ATRNL1: variants seen among roughly 807,000 people sequenced by gnomAD.
The protein encoded by ATRNL1 is attractin like 1.
In ATRNL1, 95 loss-of-function variants were observed where a neutral mutation model predicts 182.7. The observed-to-expected ratio is 0.52, with a 90% confidence interval of 0.44 to 0.62. The LOEUF (loss-of-function observed/expected upper bound fraction) is 0.62. ATRNL1 is among the 20% of genes least tolerant of loss of function. ATRNL1 has a pLI of 0.00. For synonymous variants in ATRNL1, 576 were observed against 568.3 expected (o/e 1.01, Z -0.19); for missense variants, 1,471 against 1,679.5 (o/e 0.88, Z 2.17).
At chr10:115,336,682 G>A (rs1855493752) in intron 19 of ATRNL1, among the ~76,000 whole-genome samples, 1 of 151,852 alleles carries the variant, frequency 6.6e-6, no homozygotes, top group African/African-American at 2.4e-5. Flanking sequence ...ATATTTTCAT[G>A]CCCATATGTA....
At chr10:115,360,835 T>C (rs1329776726) in intron 19 of ATRNL1, among the ~76,000 whole-genome samples, 2 of 151,940 alleles carry the variant, frequency 1.3e-5, no homozygotes, top group Non-Finnish European at 2.9e-5. Context: ...TTTTTAGGAC[T>C]ACACTATATT....
At chr10:115,362,544 A>G (rs1554944559) in intron 19 of ATRNL1, among the ~76,000 whole-genome samples, 1 of 151,198 alleles carries the variant, frequency 6.6e-6, no homozygotes, top group Non-Finnish European at 1.5e-5. Context: ...TTATACTTTA[A>G]GTTTTAGGGT....
chr10:115,265,250 T>G lies in ATRNL1; in HGVS notation c.1745T>G (p.Phe582Cys). The part of the protein sequence containing the change: ...KPNLHRDVNR[F>C]GHSAVVINGS... ...AATCTTCATAGAGATGTCAACAGAT[T>G]TGGACACTCTGCAGTAGTCATTAAC... The change falls in exon 11 of 29, where the codon TTT becomes TGT. Residue 582 changes from phenylalanine to cysteine, a missense_variant. Transcript: ENST00000355044. The G allele has an allele frequency of 6.2e-7, 1 of 1,608,236 alleles. No homozygotes were observed. Among genetic ancestry groups the G allele is most frequent in the Non-Finnish European group, 8.5e-7 (1 of 1,176,374 alleles).
chr10:115,612,327 TAAC>T (rs1555019275), intron 26 of ATRNL1, among the ~76,000 whole-genome samples: 4 of 152,034 alleles, frequency 2.6e-5, no homozygotes, highest in African/African-American at 9.6e-5. Flanking sequence ...CTCACCATAA[TAAC>T]CTGTTTTAGT....
At chr10:115,307,565 A>G (rs72836592) in intron 17 of ATRNL1, among the ~76,000 whole-genome samples, 2,288 of 152,244 alleles carry the variant, frequency 0.015, 36 homozygotes, top group Non-Finnish European at 0.024. Context: ...CCCGGCCTCC[A>G]CAGGTTTTTT....
At chr10:115,435,846 A>G (rs1440725258) in intron 21 of ATRNL1, among the ~76,000 whole-genome samples, 1 of 152,214 alleles carries the variant, frequency 6.6e-6, no homozygotes, top group African/African-American at 2.4e-5. Flanking sequence ...AAATTTTACT[A>G]GAATCAAATT....
intron 9 of ATRNL1, among the ~76,000 whole-genome samples, chr10:115,231,768 G>A (rs1849963367): frequency 6.6e-6 from 1 of 152,146 alleles, no homozygotes; most frequent in Non-Finnish European, 1.5e-5. Flanking sequence ...AGGTAAATAA[G>A]TAGAGGTGGA....
chr10:115,405,339 G>A (rs1032804925), intron 20 of ATRNL1, among the ~76,000 whole-genome samples: 20 of 152,156 alleles, frequency 1.3e-4, no homozygotes, highest in African/African-American at 4.8e-4. Context: ...GTTATAGGAT[G>A]AACTACTGCT....
At chr10:115,354,003 G>T (rs1392077851) in intron 19 of ATRNL1, among the ~76,000 whole-genome samples, 1 of 152,096 alleles carries the variant, frequency 6.6e-6, no homozygotes, top group African/African-American at 2.4e-5. Context: ...TGCTGAAAAT[G>T]TAAGTGATTT....
At chr10:115,634,701 T>C (rs1858748070) in intron 26 of ATRNL1, among the ~76,000 whole-genome samples, 1 of 152,146 alleles carries the variant, frequency 6.6e-6, no homozygotes, top group Non-Finnish European at 1.5e-5. Context: ...AATATTTATA[T>C]GATTTTTTAC....
chr10:115,345,402 C>T (rs782742381), intron 19 of ATRNL1, among the ~76,000 whole-genome samples: 15 of 152,178 alleles, frequency 9.9e-5, no homozygotes, highest in Admixed American at 7.2e-4. Flanking sequence ...AGTTCAGTCC[C>T]TCACGATTAT....
intron 21 of ATRNL1, among the ~76,000 whole-genome samples, chr10:115,436,900 T>A (rs1354087776): frequency 6.6e-6 from 1 of 152,122 alleles, no homozygotes; most frequent in Non-Finnish European, 1.5e-5. Flanking sequence ...ATTAAACCAG[T>A]TATATGATTT....
intron 27 of ATRNL1, among the ~76,000 whole-genome samples, chr10:115,812,575 C>G (rs1950071619): frequency 6.6e-6 from 1 of 152,252 alleles, no homozygotes; most frequent in South Asian, 2.1e-4. Flanking sequence ...CTCCTGGGTT[C>G]AAGCAATTCT....
chr10:115,590,965 C>A (rs1368859088), intron 26 of ATRNL1, among the ~76,000 whole-genome samples: 1 of 152,176 alleles, frequency 6.6e-6, no homozygotes, highest in Non-Finnish European at 1.5e-5. Flanking sequence ...GCAAATCCTT[C>A]TGTTTCAATG....
chr10:115,462,020 A>T lies in ATRNL1; in HGVS notation c.3402A>T (p.Ile1134=). 6.2e-7 allele frequency: 1 copy of T among 1,607,900 alleles called. No homozygotes were observed. Among genetic ancestry groups the T allele is most frequent in the East Asian group, 2.2e-5 (1 of 44,504 alleles). ...GCCACCATACTGCCATAAACTTTAT[A>T]GCAAACCCAGAACAGGTGAGGAAAA... ...DDRHHTAINF[I]ANPEQSNKNL... is the part of the protein sequence containing the mutation. Residue 1134 remains isoleucine (I), a synonymous_variant, in exon 22 of 29, where the codon ATA becomes ATT. Coordinates refer to ENST00000355044, the MANE Select transcript of ATRNL1 (RefSeq NM_207303.4).
intron 19 of ATRNL1, among the ~76,000 whole-genome samples, chr10:115,384,503 A>G (rs1017254421): frequency 6.6e-6 from 1 of 152,058 alleles, no homozygotes; most frequent in Non-Finnish European, 1.5e-5. Flanking sequence ...TGTGTGCAGC[A>G]GCTCAACTCT....
At chr10:115,862,539 A>G (rs1212878091) in intron 28 of ATRNL1, among the ~76,000 whole-genome samples, 4 of 152,228 alleles carry the variant, frequency 2.6e-5, no homozygotes, top group Non-Finnish European at 5.9e-5. Flanking sequence ...CACTACTGAA[A>G]TACTATTTCT....
intron 24 of ATRNL1, among the ~76,000 whole-genome samples, chr10:115,497,956 T>C (rs1849636430): frequency 2.0e-5 from 3 of 152,130 alleles, no homozygotes; most frequent in Admixed American, 2.0e-4. Flanking sequence ...ACACCTGGCC[T>C]ACTGCACTTT....
chr10:115,439,586 C>T (rs958649320), intron 21 of ATRNL1, among the ~76,000 whole-genome samples: 7 of 151,814 alleles, frequency 4.6e-5, no homozygotes, highest in African/African-American at 7.3e-5. Context: ...TAATGCACCC[C>T]GAAAGATGTC....
Sources: allele counts gnomAD v4.1 joint callset (sites outside exome capture counted in the v4.1 genomes callset), GRCh38; gene constraint gnomAD v4.1.1; transcripts MANE v1.5; gene names NCBI Gene and HGNC (gene_info 2026-07-23, HGNC 2026-07-21).